The following OR2L13 variants were observed in gnomAD, a reference collection of about 807,000 sequenced individuals.
OR2L13 encodes olfactory receptor 2L13.
In OR2L13, 14 loss-of-function variants were observed where a neutral mutation model predicts 15.3. The ratio of observed to expected loss-of-function variants is 0.91; its 90% CI spans 0.60 to 1.43. The LOEUF (loss-of-function observed/expected upper bound fraction) is 1.43. Ranked by LOEUF, OR2L13 falls within the 40% of genes most tolerant of loss-of-function variation. OR2L13 has a pLI of 0.00. For missense variants in OR2L13, 367 were observed against 387.9 expected (o/e 0.95, Z 0.45); for synonymous variants, 152 against 142.9 (o/e 1.06, Z -0.45).
chr1:247,965,980 A>C, the OR2L13 span: 1 of 1,610,544 alleles, frequency 6.2e-7, no homozygotes, highest in Non-Finnish European at 8.5e-7. Flanking sequence ...AGTCCTCCTG[A>C]GTGGACTTAT....
chr1:248,085,256 C>A, the OR2L13 span, among the ~76,000 whole-genome samples: 1 of 151,654 alleles, frequency 6.6e-6, no homozygotes, highest in Admixed American at 6.6e-5. Flanking sequence ...TTTATTAATG[C>A]AGAACTCATG....
At chr1:247,982,003 G>T in the OR2L13 span, among the ~76,000 whole-genome samples, 1 of 152,162 alleles carries the variant, frequency 6.6e-6, no homozygotes, top group African/African-American at 2.4e-5. Flanking sequence ...TTTTAGTAGA[G>T]ACGGGGTTTC....
the OR2L13 span, chr1:247,965,614 A>C: frequency 6.4e-7 from 1 of 1,560,430 alleles, no homozygotes. Context: ...CACAGTGCCC[A>C]AGATGGCAGT....
At chr1:248,072,026 C>A in the OR2L13 span, among the ~76,000 whole-genome samples, 2 of 151,350 alleles carry the variant, frequency 1.3e-5, no homozygotes, top group South Asian at 4.2e-4. Flanking sequence ...TAGGAAGAAT[C>A]AATATCGTGA....
the OR2L13 span, among the ~76,000 whole-genome samples, chr1:247,942,744 C>T: frequency 6.6e-6 from 1 of 152,004 alleles, no homozygotes; most frequent in Non-Finnish European, 1.5e-5. Context: ...AGAGAAACAC[C>T]ATTTTAACCA....
chr1:248,044,141 C>A, the OR2L13 span, among the ~76,000 whole-genome samples: 44 of 152,258 alleles, frequency 2.9e-4, no homozygotes, highest in African/African-American at 8.9e-4. Flanking sequence ...CATTTTCCAG[C>A]CCTCACTCAA....
chr1:248,025,104 C>T, the OR2L13 span, among the ~76,000 whole-genome samples: 43,095 of 148,014 alleles, frequency 0.29, 10,175 homozygotes, highest in African/African-American at 0.67. Context: ...AAATGGGATC[C>T]AATTAAACTA....
At chr1:248,061,076 C>T in the OR2L13 span, 27 of 1,614,012 alleles carry the variant, frequency 1.7e-5, no homozygotes, top group Non-Finnish European at 2.0e-5. Context: ...CTTCACTATC[C>T]CATCCGCATG....
the OR2L13 span, among the ~76,000 whole-genome samples, chr1:247,993,777 GAGAGAGAGAGA>G: frequency 7.4e-6 from 1 of 134,986 alleles, no homozygotes; most frequent in Non-Finnish European, 1.5e-5. Context: ...GAGAGAGAGA[GAGAGAGAGAGA>G]GAGAGAGAGA....
At chr1:248,008,140 A>C in the OR2L13 span, among the ~76,000 whole-genome samples, 1 of 152,142 alleles carries the variant, frequency 6.6e-6, no homozygotes, top group Non-Finnish European at 1.5e-5. Context: ...TCACAATAGA[A>C]AATAGCACTT....
chr1:247,945,806 T>C, the OR2L13 span, among the ~76,000 whole-genome samples: 1 of 152,204 alleles, frequency 6.6e-6, no homozygotes, highest in Non-Finnish European at 1.5e-5. Flanking sequence ...CGTCAGAAAC[T>C]AGGATTGCTA....
At chr1:248,045,495 G>T in the OR2L13 span, among the ~76,000 whole-genome samples, 1 of 152,144 alleles carries the variant, frequency 6.6e-6, no homozygotes. Flanking sequence ...CTTGAAGTCT[G>T]TCTTACCGCA....
chr1:248,004,157 T>G, the OR2L13 span: 90 of 1,141,172 alleles, frequency 7.9e-5, no homozygotes, highest in Non-Finnish European at 1.0e-4. Flanking sequence ...TTCCTAGAGT[T>G]CAGGAGCAAA....
chr1:247,955,180 T>C, the OR2L13 span, among the ~76,000 whole-genome samples: 1 of 151,592 alleles, frequency 6.6e-6, no homozygotes. Context: ...TTCCCACCTA[T>C]GAGTGAGAAC....
upstream of OR2L13, among the ~76,000 whole-genome samples, chr1:248,093,314 A>T (rs1390144882): frequency 1.3e-5 from 2 of 152,120 alleles, no homozygotes; most frequent in Non-Finnish European, 2.9e-5. Context: ...TAAATCTGAG[A>T]TGTATTGTCA....
chr1:247,991,279 A>C, the OR2L13 span: 5 of 905,508 alleles, frequency 5.5e-6, no homozygotes, highest in Non-Finnish European at 8.4e-6. Flanking sequence ...TAAGGAAAAT[A>C]TTATTACATG....
At chr1:247,938,601 C>T in the OR2L13 span, among the ~76,000 whole-genome samples, 11 of 152,018 alleles carry the variant, frequency 7.2e-5, no homozygotes, top group Non-Finnish European at 1.2e-4. Context: ...AACATAGAAA[C>T]GCCTACATTG....
At chr1:248,000,760 T>C in the OR2L13 span, among the ~76,000 whole-genome samples, 1,000 of 152,216 alleles carry the variant, frequency 6.6e-3, 4 homozygotes, top group Non-Finnish European at 8.9e-3. Flanking sequence ...TCTGTGAAGA[T>C]ACATAACTGT....
chr1:247,992,343 A>G, the OR2L13 span, among the ~76,000 whole-genome samples: 1 of 152,200 alleles, frequency 6.6e-6, no homozygotes, highest in Admixed American at 6.5e-5. Flanking sequence ...GTAGGCTATC[A>G]TTAGTTATGT....
Sources: allele counts gnomAD v4.1 joint callset (sites outside exome capture counted in the v4.1 genomes callset), GRCh38; gene constraint gnomAD v4.1.1; transcripts MANE v1.5; gene names NCBI Gene and HGNC (gene_info 2026-07-23, HGNC 2026-07-21).